The following SPON1 variants were observed in gnomAD, a reference collection of about 807,000 sequenced individuals.
SPON1 encodes the protein spondin-1.
Under a neutral mutation model 111.7 loss-of-function variants are expected in SPON1, and 52 were observed. That is an observed-to-expected ratio of 0.47 (90% CI 0.37 to 0.59). The LOEUF (loss-of-function observed/expected upper bound fraction) is 0.59. SPON1 is among the 20% of genes least tolerant of loss of function. The pLI is 0.00. For missense variants in SPON1, 957 were observed against 1,068.5 expected (o/e 0.90, Z 1.46); for synonymous variants, 410 against 395.8 (o/e 1.04, Z -0.43).
At chr11:14,229,598 A>G (rs1390231037) in intron 6 of SPON1, among the ~76,000 whole-genome samples, 2 of 152,098 alleles carry the variant, frequency 1.3e-5, no homozygotes, top group African/African-American at 4.8e-5. Flanking sequence ...ACTGTGATTA[A>G]CCCAGTAGGG....
chr11:14,149,685 T>A (rs1357215159), intron 6 of SPON1, among the ~76,000 whole-genome samples: 1 of 152,214 alleles, frequency 6.6e-6, no homozygotes, highest in Admixed American at 6.5e-5. Flanking sequence ...GGTACCTTGA[T>A]ATGTTTAAAT....
At chr11:14,173,160 A>C (rs553400024) in intron 6 of SPON1, among the ~76,000 whole-genome samples, 10 of 151,852 alleles carry the variant, frequency 6.6e-5, no homozygotes, top group Non-Finnish European at 1.0e-4. Context: ...CTTTTCACAC[A>C]GTCCCATATT....
chr11:14,136,161 C>T (rs1183442621), intron 6 of SPON1, among the ~76,000 whole-genome samples: 6 of 152,134 alleles, frequency 3.9e-5, no homozygotes, highest in East Asian at 3.9e-4. Flanking sequence ...ACAGTGCCAT[C>T]GTCCTTCATC....
At chr11:14,019,448 C>A (rs1848465477) in intron 2 of SPON1, among the ~76,000 whole-genome samples, 1 of 150,812 alleles carries the variant, frequency 6.6e-6, no homozygotes, top group Non-Finnish European at 1.5e-5. Context: ...AATTTAGGTT[C>A]TAGATCATAA....
chr11:14,171,875 G>A (rs1350169727), intron 6 of SPON1, among the ~76,000 whole-genome samples: 1 of 152,158 alleles, frequency 6.6e-6, no homozygotes, highest in Admixed American at 6.5e-5. Flanking sequence ...TATAATTTCT[G>A]TTCTTTTACA....
rs560603632 is a variant in SPON1 at position 14,169,834 on chromosome 11, T to C, written c.825+34266T>C. On this transcript the variant is annotated intron_variant, in intron 6 of 15. Transcript: ENST00000576479. The stretch of plus-strand genomic sequence containing the variant: ...TATGTGGCATTATTTCTGAGGGCTC[T>C]GTTCTGTTCCATTGGTCTATATCTC... Among the ~76,000 whole-genome samples, 806 of 152,302 alleles carry C rather than the reference T, an allele frequency of 5.3e-3. 10 individuals are homozygous for C. The highest frequency in any genetic ancestry group is 0.018 in the African/African-American group (766 of 41,532).
At position 14,021,237 on chromosome 11, in the gene SPON1, A is replaced by T. The variant is rs115589494; in HGVS notation, c.346-20284A>T. Among the ~76,000 whole-genome samples, 525 of 152,258 alleles carry T rather than the reference A, an allele frequency of 3.4e-3. 2 individuals carry two copies. Among genetic ancestry groups the T allele is most frequent in the African/African-American group, 0.012 (493 of 41,566 alleles). On this transcript the variant is annotated intron_variant, in intron 2 of 15. Coordinates refer to ENST00000576479, the MANE Select transcript of SPON1 (RefSeq NM_006108.4). The stretch of plus-strand genomic sequence containing the variant: ...CTACCATTTCTGTTTTGTTCACCAC[A>T]GTATATCATAATATCTGGCATATTA...
At chr11:14,139,553 A>G (rs1184612961) in intron 6 of SPON1, among the ~76,000 whole-genome samples, 1 of 152,168 alleles carries the variant, frequency 6.6e-6, no homozygotes, top group East Asian at 1.9e-4. Flanking sequence ...TCATTCAATA[A>G]CTTTATAAAT....
chr11:14,201,363 C>CAAAAAAACA (rs1554935618), intron 6 of SPON1, among the ~76,000 whole-genome samples: 1 of 150,076 alleles, frequency 6.7e-6, no homozygotes, highest in Non-Finnish European at 1.5e-5. Flanking sequence ...AACAAAAAAA[C>CAAAAAAACA]AAAAAAAACT....
intron 6 of SPON1, among the ~76,000 whole-genome samples, chr11:14,233,142 C>T (rs977811454): frequency 5.9e-5 from 9 of 152,140 alleles, no homozygotes; most frequent in Non-Finnish European, 8.8e-5. Context: ...TGGACTTCTC[C>T]GTTGAGCTCC....
At chr11:14,109,845 ACT>A (rs1554925264) in intron 5 of SPON1, among the ~76,000 whole-genome samples, 1 of 151,842 alleles carries the variant, frequency 6.6e-6, no homozygotes, top group African/African-American at 2.4e-5. Context: ...AAGGAGGAAA[ACT>A]TTTTTCTTCT....
intron 2 of SPON1, among the ~76,000 whole-genome samples, chr11:14,029,502 T>C (rs907557484): frequency 9.2e-5 from 14 of 152,074 alleles, no homozygotes. Flanking sequence ...ACAGAATTTA[T>C]TGGGTGAAAA....
chr11:14,020,556 A>G (rs779087571), intron 2 of SPON1, among the ~76,000 whole-genome samples: 4 of 152,238 alleles, frequency 2.6e-5, no homozygotes, highest in Non-Finnish European at 5.9e-5. Context: ...CTGAAATTTC[A>G]CTTCTAGGAA....
intron 6 of SPON1, among the ~76,000 whole-genome samples, chr11:14,192,052 C>T (rs1848352014): frequency 6.6e-6 from 1 of 152,068 alleles, no homozygotes; most frequent in Non-Finnish European, 1.5e-5. Context: ...GTTTTATAAA[C>T]TCATAATATA....
At chr11:14,199,244 G>A (rs1365834238) in intron 6 of SPON1, among the ~76,000 whole-genome samples, 4 of 152,084 alleles carry the variant, frequency 2.6e-5, no homozygotes, top group Non-Finnish European at 4.4e-5. Flanking sequence ...AGCTTTCAAT[G>A]TACTTTTGAG....
intron 6 of SPON1, among the ~76,000 whole-genome samples, chr11:14,208,769 C>T (rs1164773558): frequency 6.6e-6 from 1 of 152,010 alleles, no homozygotes; most frequent in Non-Finnish European, 1.5e-5. Flanking sequence ...TTCATATAAC[C>T]AAATTGTCAT....
intron 2 of SPON1, among the ~76,000 whole-genome samples, chr11:13,999,822 C>A (rs552611710): frequency 1.3e-5 from 2 of 152,166 alleles, no homozygotes; most frequent in South Asian, 4.2e-4. Context: ...TTGGTTTTTC[C>A]CTTGGACACA....
At chr11:14,097,927 C>T (rs1849114357) in intron 5 of SPON1, among the ~76,000 whole-genome samples, 2 of 152,020 alleles carry the variant, frequency 1.3e-5, no homozygotes, top group South Asian at 4.1e-4. Context: ...CTCTTGGCTT[C>T]CAGGATGTTA....
intron 5 of SPON1, among the ~76,000 whole-genome samples, chr11:14,083,343 A>G (rs113396000): frequency 5.6e-4 from 85 of 152,312 alleles, no homozygotes; most frequent in African/African-American, 2.0e-3. Flanking sequence ...ATGCGGAGAA[A>G]ATTCTGTCTC....
Sources: gnomAD v4.1 joint callset for allele counts (sites outside exome capture counted in the v4.1 genomes callset) on GRCh38, gnomAD v4.1.1 for gene constraint, MANE v1.5 for transcripts, NCBI Gene and HGNC (gene_info 2026-07-23, HGNC 2026-07-21) for gene names.